NOS1: variants seen among roughly 807,000 people sequenced by gnomAD.
NOS1 encodes the protein nitric oxide synthase 1.
Under a neutral mutation model 164.5 loss-of-function variants are expected in NOS1, and 51 were observed. That is an observed-to-expected ratio of 0.31 (90% CI 0.25 to 0.39). NOS1 has a LOEUF of 0.39. NOS1 is among the 10% of genes least tolerant of loss of function. NOS1 has a pLI of 1.00. For missense variants in NOS1, 1,362 were observed against 1,885.6 expected (o/e 0.72, Z 5.14); for synonymous variants, 719 against 745.8 (o/e 0.96, Z 0.59).
chr12:117,231,690 G>A (rs948758052), intron 22 of NOS1, among the ~76,000 whole-genome samples: 7 of 152,200 alleles, frequency 4.6e-5, no homozygotes, highest in African/African-American at 1.7e-4. Flanking sequence ...GAAGCTCAAG[G>A]TTCCAGAAGA....
intron 3 of NOS1, among the ~76,000 whole-genome samples, chr12:117,302,991 C>T (rs1186731796): frequency 2.0e-5 from 3 of 152,156 alleles, no homozygotes; most frequent in Non-Finnish European, 4.4e-5. Context: ...AGTGATCCAC[C>T]CTCACTGGCC....
intron 3 of NOS1, among the ~76,000 whole-genome samples, chr12:117,306,346 C>A (rs528335350): frequency 3.9e-5 from 6 of 152,282 alleles, no homozygotes; most frequent in African/African-American, 1.4e-4. Flanking sequence ...GGCAAGCTCT[C>A]CATATATCTT....
intron 5 of NOS1, 42 bp from the exon 6 acceptor site, chr12:117,286,308 C>T: frequency 6.2e-7 from 1 of 1,606,852 alleles, no homozygotes; most frequent in African/African-American, 1.3e-5. Context: ...ACCCCCTCTT[C>T]TGAATTAGAA....
chr12:117,229,674 C>T (rs903586250), intron 22 of NOS1, among the ~76,000 whole-genome samples: 1 of 151,850 alleles, frequency 6.6e-6, no homozygotes, highest in African/African-American at 2.4e-5. Flanking sequence ...CTGCAACCTC[C>T]GTCTCCTGGG....
intron 1 of NOS1, among the ~76,000 whole-genome samples, chr12:117,338,413 T>C (rs1875942589): frequency 1.5e-5 from 2 of 134,146 alleles, no homozygotes; most frequent in Non-Finnish European, 3.1e-5. Flanking sequence ...AGGCGGGAAC[T>C]GAACAATGAG....
chr12:117,232,149 A>C lies in NOS1; in HGVS notation c.3236-18T>G. ...GATGACACCTGTGGAGGTACAAGGC[A>C]GGTGACAGGTGGGTGTGGGAGGGCT... On this transcript the variant is annotated intron_variant, in intron 21 of 28. Transcript: ENST00000317775. The C allele has an allele frequency of 1.2e-6, 2 of 1,611,000 alleles. No homozygotes were observed. Among genetic ancestry groups the C allele is most frequent in the African/African-American group, 1.3e-5 (1 of 74,926 alleles).
At chr12:117,231,880 C>T in intron 22 of NOS1, 82 bp downstream of exon 22, 1 of 1,405,312 alleles carries the variant, frequency 7.1e-7, no homozygotes, top group Non-Finnish European at 9.8e-7. Flanking sequence ...CTGCTGGAAG[C>T]CTGGTAATAA....
chr12:117,311,631 A>G (rs754496519), intron 2 of NOS1, 39 bp from the exon 3 acceptor site: 105 of 1,585,132 alleles, frequency 6.6e-5, no homozygotes, highest in Non-Finnish European at 8.7e-5. Flanking sequence ...AGGGGACATC[A>G]GGAGGGACTT....
Position 117,237,931 on chromosome 12 carries a change from A to G in NOS1, c.3042-3173T>C, listed in dbSNP as rs991479353. On this transcript the variant is annotated intron_variant, in intron 20 of 28. Transcript: ENST00000317775. ...TGGGTTGAGGGGAGCAGGCTATGTCAGACAGGACGGTCAGGGAGACTTCTC... is the reference window on the plus strand; with the variant it reads ...TGGGTTGAGGGGAGCAGGCTATGTCGGACAGGACGGTCAGGGAGACTTCTC... 8.5e-5 allele frequency among the ~76,000 whole-genome samples: 13 copies of G among 152,132 alleles called. 1 individual carries two copies. Among genetic ancestry groups the G allele is most frequent in the Non-Finnish European group, 1.5e-5 (1 of 68,024 alleles).
At position 117,208,334 on chromosome 12, in the gene NOS1, C is replaced by A. The variant is rs2135904380; in HGVS notation, c.*6975G>T. 7.8e-7 allele frequency: 1 copy of A among 1,287,606 alleles called. No homozygotes were observed. Among genetic ancestry groups the A allele is most frequent in the Admixed American group, 2.3e-5 (1 of 43,352 alleles). The allele number at this position is 1,287,606 out of a possible 1,614,324, so 79.8% of individuals were successfully genotyped here. On this transcript the variant is annotated 3_prime_UTR_variant, in exon 29 of 29. Coordinates refer to ENST00000317775, the MANE Select transcript of NOS1 (RefSeq NM_000620.5). Reference sequence around the variant, plus strand: ...GGTGCTGGAGCACAGGGACACTTGGCAGAGATTAGCAGCATTGAGAGCTCA... The same window carrying A: ...GGTGCTGGAGCACAGGGACACTTGGAAGAGATTAGCAGCATTGAGAGCTCA...
chr12:117,247,101 C>T (rs1166312593), intron 18 of NOS1, among the ~76,000 whole-genome samples: 1 of 152,094 alleles, frequency 6.6e-6, no homozygotes, highest in East Asian at 1.9e-4. Context: ...CATTCCAAGA[C>T]TCTATATAAT....
intron 20 of NOS1, among the ~76,000 whole-genome samples, chr12:117,239,081 A>C (rs1869955992): frequency 1.3e-5 from 2 of 152,210 alleles, no homozygotes; most frequent in South Asian, 4.1e-4. Context: ...GACCCAGGCG[A>C]GGGAGAGAGA....
intron 1 of NOS1, among the ~76,000 whole-genome samples, chr12:117,335,379 T>C (rs579604): frequency 0.83 from 126,567 of 152,170 alleles, 52,915 homozygotes; most frequent in African/African-American, 0.89. Context: ...AAATCACATA[T>C]GCATGCTTGC....
At chr12:117,359,879 TATATATATATA>T (rs1877043749) in intron 1 of NOS1, among the ~76,000 whole-genome samples, 6 of 24,092 alleles carry the variant, frequency 2.5e-4, no homozygotes, top group South Asian at 1.7e-3. Flanking sequence ...AATGGTTTTA[TATATATATATA>T]TATATATATA....
At chr12:117,300,937 C>T (rs1873775044) in intron 3 of NOS1, among the ~76,000 whole-genome samples, 1 of 152,182 alleles carries the variant, frequency 6.6e-6, no homozygotes, top group African/African-American at 2.4e-5. Context: ...CTGCCAAAGC[C>T]AGCCAAGGCA....
In NOS1 at chr12:117,214,889, A is replaced by T; in HGVS notation, c.*420T>A. ...CACAGGCACGCACAACCAAAATGTC[A>T]TCATAAAAAAGGAGAAAGGGGGACT... On this transcript the variant is annotated 3_prime_UTR_variant, in exon 29 of 29. Transcript: ENST00000317775. The T allele has an allele frequency of 1.0e-6, 1 of 997,326 alleles. No individual in the cohort carries two copies. The allele number at this position is 997,326 out of a possible 1,614,324, so 61.8% of individuals were successfully genotyped here.
chr12:117,354,620 T>G (rs1193032208), intron 1 of NOS1, among the ~76,000 whole-genome samples: 1 of 152,186 alleles, frequency 6.6e-6, no homozygotes, highest in Admixed American at 6.5e-5. Flanking sequence ...TGCTGAAAAT[T>G]CCTGGAAATG....
chr12:117,208,191 G>T lies in NOS1; in HGVS notation c.*7118C>A. The T allele has an allele frequency of 9.9e-7, 1 of 1,008,248 alleles. No individual in the cohort carries two copies. Among genetic ancestry groups the T allele is most frequent in the Non-Finnish European group, 1.3e-6 (1 of 762,942 alleles). 62.5% of individuals were successfully genotyped at this position (1,008,248 alleles called of 1,614,324 possible). ...ACCATAATGCAAACAAGCATAATAG[G>T]CTTTTGTTGAATCCCATAAAATTGG... is the stretch of plus-strand genomic sequence containing the variant. On this transcript the variant is annotated 3_prime_UTR_variant, in exon 29 of 29. Coordinates refer to ENST00000317775, the MANE Select transcript of NOS1 (RefSeq NM_000620.5).
rs140513544 is a variant in NOS1, at chr12:117,350,500, C to T, written c.-421+11012G>A. 1.8e-3 allele frequency among the ~76,000 whole-genome samples: 281 copies of T among 152,302 alleles called. 1 individual carries two copies. The highest frequency in any genetic ancestry group is 6.3e-3 in the African/African-American group (262 of 41,548). The stretch of plus-strand genomic sequence containing the variant: ...TCACTTGATTTTATAGTACCCACTC[C>T]CATTTTCTCAAAGTACCTTGTGTGT... On this transcript the variant is annotated intron_variant, in intron 1 of 28. Coordinates refer to ENST00000317775, the MANE Select transcript of NOS1 (RefSeq NM_000620.5).
Sources: allele counts gnomAD v4.1 joint callset (sites outside exome capture counted in the v4.1 genomes callset), GRCh38; gene constraint gnomAD v4.1.1; transcripts MANE v1.5; gene names NCBI Gene and HGNC (gene_info 2026-07-23, HGNC 2026-07-21).